Variants in TAF1 observed in about 807,000 individuals in gnomAD.
TAF1 encodes TATA-box binding protein associated factor 1, also known as transcription initiation factor TFIID subunit 1.
A neutral mutation model predicts 138.5 loss-of-function variants in TAF1; 2 were observed. The ratio of observed to expected loss-of-function variants is 0.01; its 90% CI spans 0.01 to 0.05. TAF1 has a LOEUF of 0.05. Ranked by LOEUF, TAF1 falls within the 10% of genes least tolerant of loss-of-function variation. The pLI, the probability that TAF1 is intolerant of heterozygous loss-of-function variation, is 1.00. For synonymous variants in TAF1, 437 were observed against 503.2 expected, an observed-to-expected ratio of 0.87 and a Z score of 1.76; for missense variants, 709 against 1,478.0, an observed-to-expected ratio of 0.48 and a Z score of 8.53.
At chrX:71,471,302 A>G (rs1382055807) in intron 13 of TAF1, among the ~76,000 whole-genome samples, 1 of 102,133 alleles carries the variant, frequency 9.8e-6, no homozygotes, top group African/African-American at 3.7e-5. Flanking sequence ...GCCTGGTGAC[A>G]GAGCGAGACT....
chrX:71,517,916 C>T (rs780992378), intron 13 of TAF1, among the ~76,000 whole-genome samples: 4 of 109,661 alleles, frequency 3.6e-5, no homozygotes, highest in Middle Eastern at 4.7e-3. Context: ...TCCTTCCTGA[C>T]GCTCCCAAGT....
At chrX:71,470,207 AAG>A (rs2147483038), downstream of TAF1, among the ~76,000 whole-genome samples, 1 of 111,050 alleles carries the variant, frequency 9.0e-6, no homozygotes, top group African/African-American at 3.3e-5. Flanking sequence ...ATTTCCTATA[AAG>A]AGTAATAATA....
chrX:71,468,929 G>A (rs184192794), downstream of TAF1, among the ~76,000 whole-genome samples: 8 of 106,440 alleles, frequency 7.5e-5, no homozygotes, highest in South Asian at 4.1e-4. Context: ...TCAAGGCTAC[G>A]GTGAGCCATG....
chrX:71,424,988 C>T (rs2148617304), intron 32 of TAF1, among the ~76,000 whole-genome samples: 1 of 111,590 alleles, frequency 9.0e-6, no homozygotes, highest in South Asian at 3.7e-4. Context: ...TGCTATTAGC[C>T]GTTAATGATG....
chrX:71,510,825 C>T (rs1004954994), intron 13 of TAF1, among the ~76,000 whole-genome samples: 7 of 111,944 alleles, frequency 6.3e-5, no homozygotes, highest in Non-Finnish European at 1.3e-4. Flanking sequence ...CCCTACTTGG[C>T]GGGCACGATG....
chrX:71,495,370 A>C (rs2039377098), intron 13 of TAF1, among the ~76,000 whole-genome samples: 1 of 111,843 alleles, frequency 8.9e-6, no homozygotes, highest in South Asian at 3.7e-4. Flanking sequence ...GCCCCTAAGG[A>C]GAGTAATAGC....
At position 71,408,839 on chromosome X, in the gene TAF1, C is replaced by A. The variant is rs1018213096; in HGVS notation, c.4384+688C>A. Among the ~76,000 whole-genome samples, 4 of 110,271 alleles carry A rather than the reference C, an allele frequency of 3.6e-5. No individual in the cohort carries two copies. In the Admixed American group the frequency reaches 3.9e-4, roughly 11 times the overall value. On this transcript the variant is annotated intron_variant, in intron 28 of 37. Coordinates refer to ENST00000423759, the MANE Select transcript of TAF1 (RefSeq NM_004606.5). Reference sequence around the variant, plus strand: ...AGGAGATTGAGACCATGGTGAAACCCCCATCTCTACTAAAAATACAAAAAG... The same window carrying A: ...AGGAGATTGAGACCATGGTGAAACCACCATCTCTACTAAAAATACAAAAAG...
intron 32 of TAF1, among the ~76,000 whole-genome samples, chrX:71,453,249 C>T (rs1475030908): frequency 1.8e-5 from 2 of 111,361 alleles, no homozygotes; most frequent in East Asian, 5.6e-4. Context: ...ATACATACAG[C>T]CTCCCCAGTT....
chrX:71,485,537 C>T (rs1299570928), intron 13 of TAF1, among the ~76,000 whole-genome samples: 1 of 111,917 alleles, frequency 8.9e-6, no homozygotes, highest in Non-Finnish European at 1.9e-5. Flanking sequence ...TTATAATAGC[C>T]TTCCTAATGA....
At chrX:71,482,394 G>T (rs1223105099) in intron 13 of TAF1, among the ~76,000 whole-genome samples, 2 of 111,874 alleles carry the variant, frequency 1.8e-5, no homozygotes, top group Non-Finnish European at 3.8e-5. Flanking sequence ...AAGTGGAGGG[G>T]GTGGCTCTTG....
Position 71,458,314 on chromosome X carries a change from A to G in TAF1, c.5012A>G (p.Asn1671Ser), listed in dbSNP as rs989392058. ...RDASVFQDES[N>S]MSVLDIPSAT... is the part of the protein sequence containing the mutation. Reference sequence around the variant, plus strand: ...GCCTCTGTATTTCAAGATGAGAGCAATATGTCTGTCTTGGATATTCCCAGT... The same window carrying G: ...GCCTCTGTATTTCAAGATGAGAGCAGTATGTCTGTCTTGGATATTCCCAGT... The change falls in exon 35 of 38, where the codon AAT becomes AGT. Residue 1671 changes from asparagine (N) to serine (S), a missense_variant. Asn to Ser is a conservative substitution (Grantham distance 46, BLOSUM62 1). Transcript: ENST00000423759. 8.3e-7 allele frequency: 1 copy of G among 1,211,865 alleles called. No homozygotes were observed. Among genetic ancestry groups the G allele is most frequent in the African/African-American group, 1.7e-5 (1 of 57,895 alleles).
chrX:71,425,389 T>C (rs1602631403), intron 32 of TAF1, among the ~76,000 whole-genome samples: 1 of 111,764 alleles, frequency 8.9e-6, no homozygotes, highest in African/African-American at 3.3e-5. Flanking sequence ...CTCAACACTT[T>C]GGTAGGCTGA....
rs561708665 is a variant in TAF1, at chrX:71,488,171, T to A, written c.1366+27368T>A. ...TGGGAACACAAACTATTCTGGTCCC[T>A]GTGTGATCTTTGAGTATTTTTCTCT... On this transcript the variant is annotated intron_variant and NMD_transcript_variant, in intron 13 of 14. Coordinates refer to the TAF1 transcript ENST00000373775. 7.3e-5 allele frequency among the ~76,000 whole-genome samples: 8 copies of A among 110,266 alleles called. No individual in the cohort carries two copies. In the South Asian group the frequency reaches 3.1e-3, roughly 42 times the overall value.
intron 3 of TAF1, among the ~76,000 whole-genome samples, chrX:71,373,716 A>G (rs2033264946): frequency 8.9e-6 from 1 of 111,827 alleles, no homozygotes; most frequent in Non-Finnish European, 1.9e-5. Context: ...AGGGCCGCAT[A>G]TGTAGATTTG....
chrX:71,401,795 A>G (rs2035186849), intron 25 of TAF1, 56 bp downstream of exon 25: 1 of 1,104,018 alleles, frequency 9.1e-7, no homozygotes, highest in Non-Finnish European at 1.2e-6. Flanking sequence ...GGTTGGTTAT[A>G]TTGGTGGCTG....
At chrX:71,372,900 T>A (rs1416847397) in intron 3 of TAF1, among the ~76,000 whole-genome samples, 1 of 111,717 alleles carries the variant, frequency 9.0e-6, no homozygotes, top group Non-Finnish European at 1.9e-5. Context: ...AGAGTCTCGC[T>A]CTGTCACCCA....
At position 71,465,222 on chromosome X, in the gene TAF1, A is replaced by G. The variant is rs1275350997; in HGVS notation, c.*1176A>G. 8.9e-6 allele frequency: 1 copy of G among 111,988 alleles called. No homozygotes were observed. Among genetic ancestry groups the G allele is most frequent in the Non-Finnish European group, 1.9e-5 (1 of 53,225 alleles). 9.2% of individuals were successfully genotyped at this position (111,988 alleles called of 1,213,427 possible). A position where few individuals can be genotyped will look rare whatever the true frequency, so the allele number is the denominator to read the frequency against. On this transcript the variant is annotated 3_prime_UTR_variant, in exon 38 of 38. Transcript: ENST00000423759. Reference sequence around the variant, plus strand: ...CTTTTACCCAAAGAGCTCACCATCAAGTTGGGGGAGGGAAAGTGGAATTCA... The same window carrying G: ...CTTTTACCCAAAGAGCTCACCATCAGGTTGGGGGAGGGAAAGTGGAATTCA...
chrX:71,445,646 T>A (rs1185774210), intron 32 of TAF1, among the ~76,000 whole-genome samples: 1 of 111,792 alleles, frequency 8.9e-6, no homozygotes, highest in Non-Finnish European at 1.9e-5. Context: ...CTAGTTCTTT[T>A]ACCATTCCAC....
At chrX:71,475,291 A>G (rs1047260195) in intron 13 of TAF1, among the ~76,000 whole-genome samples, 2 of 111,756 alleles carry the variant, frequency 1.8e-5, no homozygotes, top group Admixed American at 9.6e-5. Flanking sequence ...GCAAAGGTAG[A>G]AGAAGCTAGA....
Sources: allele counts gnomAD v4.1 joint callset (sites outside exome capture counted in the v4.1 genomes callset), GRCh38; gene constraint gnomAD v4.1.1; transcripts MANE v1.5; gene names NCBI Gene and HGNC (gene_info 2026-07-23, HGNC 2026-07-21).